Variants in PREP observed in about 807,000 individuals in gnomAD.
PREP encodes the protein prolyl endopeptidase, also known as dJ355L5.1 (prolyl endopeptidase).
Under a neutral mutation model 87.6 loss-of-function variants are expected in PREP, and 29 were observed. The ratio of observed to expected loss-of-function variants is 0.33; its 90% CI spans 0.25 to 0.45. The LOEUF (loss-of-function observed/expected upper bound fraction) is 0.45. Ranked by LOEUF, PREP falls within the 20% of genes least tolerant of loss-of-function variation. PREP has a pLI of 1.00. For missense variants in PREP, 695 were observed against 886.5 expected, an observed-to-expected ratio of 0.78 and a Z score of 2.74; for synonymous variants, 337 against 328.6, an observed-to-expected ratio of 1.03 and a Z score of -0.28.
rs558522574 is a variant in PREP, at chr6:105,389,345, C to G, written c.120+8508G>C. Among the ~76,000 whole-genome samples, 5 of 152,190 alleles carry G rather than the reference C, an allele frequency of 3.3e-5. No homozygotes were observed. In the East Asian group the frequency reaches 9.6e-4, roughly 29 times the overall value. On this transcript the variant is annotated intron_variant, in intron 2 of 14. Coordinates refer to ENST00000652536, the MANE Select transcript of PREP (RefSeq NM_002726.5). The stretch of plus-strand genomic sequence containing the variant: ...TTGCTACGGTCATAGAACAAGAAAA[C>G]AGAAGACCAAAGACTGCAATTTGTA...
At chr6:105,397,774 GA>G in intron 2 of PREP, 78 bp downstream of exon 2, 1 of 1,138,210 alleles carries the variant, frequency 8.8e-7, no homozygotes, top group Non-Finnish European at 1.3e-6. Context: ...CACCAGAAAG[GA>G]AAAGCTATAG....
intron 10 of PREP, among the ~76,000 whole-genome samples, chr6:105,295,781 T>C (rs779927663): frequency 6.6e-6 from 1 of 152,228 alleles, no homozygotes; most frequent in Non-Finnish European, 1.5e-5. Context: ...TCCTCTTCAC[T>C]TAGCAATTTA....
At chr6:105,400,643 TCAGAGTGTGAGTCCC>T (rs1305267139) in intron 1 of PREP, among the ~76,000 whole-genome samples, 1 of 152,182 alleles carries the variant, frequency 6.6e-6, no homozygotes, top group Non-Finnish European at 1.5e-5. Context: ...TCCTCTTCTA[TCAGAGTGTGAGTCCC>T]CTGTGACAGG....
intron 7 of PREP, among the ~76,000 whole-genome samples, chr6:105,339,401 AAG>A (rs1562206316): frequency 6.6e-6 from 1 of 150,752 alleles, no homozygotes; most frequent in East Asian, 2.0e-4. Flanking sequence ...TCAAAGACAA[AAG>A]GTAGATAAAA....
chr6:105,308,620 C>CCTA (rs1770698048), intron 10 of PREP, among the ~76,000 whole-genome samples: 1 of 151,866 alleles, frequency 6.6e-6, no homozygotes, highest in African/African-American at 2.4e-5. Context: ...GACAAATTAC[C>CCTA]CTACCAGAGG....
intron 9 of PREP, among the ~76,000 whole-genome samples, chr6:105,328,347 TC>T (rs1369138821): frequency 1.5e-4 from 23 of 151,784 alleles, no homozygotes; most frequent in African/African-American, 4.4e-4. Flanking sequence ...AACCTCCACC[TC>T]CCGGGTTCAA....
At chr6:105,340,612 T>A (rs1340994285) in intron 7 of PREP, among the ~76,000 whole-genome samples, 1 of 151,820 alleles carries the variant, frequency 6.6e-6, no homozygotes, top group East Asian at 1.9e-4. Context: ...GGATAAAGAG[T>A]CAAGACACAT....
rs1267601746 is a variant in PREP, at chr6:105,277,346, G to A, written c.*798C>T. Among the ~76,000 whole-genome samples, 1 of 152,038 alleles carries A rather than the reference G, an allele frequency of 6.6e-6. No individual in the cohort carries two copies. Among genetic ancestry groups the A allele is most frequent in the African/African-American group, 2.4e-5 (1 of 41,406 alleles). ...GGAACCAAGGATCCTTGGATCCAAGGAACTCTGATTTCTAGGAATACTTTG... is the reference window on the plus strand; with the variant it reads ...GGAACCAAGGATCCTTGGATCCAAGAAACTCTGATTTCTAGGAATACTTTG... On this transcript the variant is annotated 3_prime_UTR_variant, in exon 15 of 15. Transcript: ENST00000652536.
chr6:105,323,192 AATTT>A (rs1771058552), intron 10 of PREP: 3 of 1,116,212 alleles, frequency 2.7e-6, no homozygotes, highest in Middle Eastern at 2.3e-4. Flanking sequence ...ACAATTAATT[AATTT>A]ATTCATTCAA....
chr6:105,304,433 C>T (rs1269088135), intron 10 of PREP, among the ~76,000 whole-genome samples: 2 of 152,210 alleles, frequency 1.3e-5, no homozygotes, highest in Admixed American at 1.3e-4. Flanking sequence ...CCAAGTCATA[C>T]ATCTCGTAAA....
intron 7 of PREP, among the ~76,000 whole-genome samples, chr6:105,347,187 A>G (rs1328515651): frequency 1.3e-5 from 2 of 152,156 alleles, no homozygotes; most frequent in African/African-American, 4.8e-5. Flanking sequence ...AAGAAAGAAA[A>G]CAGAAGAGAG....
chr6:105,353,416 C>T (rs1168332481), intron 6 of PREP, among the ~76,000 whole-genome samples: 1 of 151,930 alleles, frequency 6.6e-6, no homozygotes, highest in African/African-American at 2.4e-5. Context: ...AATATAATAT[C>T]CTTGACTTTA....
At chr6:105,380,812 C>G (rs1016696033) in intron 2 of PREP, among the ~76,000 whole-genome samples, 1 of 152,130 alleles carries the variant, frequency 6.6e-6, no homozygotes, top group Non-Finnish European at 1.5e-5. Flanking sequence ...TTTCCCTGAT[C>G]CTTCTGATTT....
chr6:105,391,290 G>A (rs1397696269), intron 2 of PREP, among the ~76,000 whole-genome samples: 1 of 152,130 alleles, frequency 6.6e-6, no homozygotes, highest in African/African-American at 2.4e-5. Flanking sequence ...GCTGAGGCAC[G>A]AGAATCGCTT....
chr6:105,385,084 T>C (rs890006737), intron 2 of PREP, among the ~76,000 whole-genome samples: 1 of 151,992 alleles, frequency 6.6e-6, no homozygotes, highest in African/African-American at 2.4e-5. Context: ...ATGAGCAGGC[T>C]GGAAAGAGGA....
Position 105,402,884 on chromosome 6 carries a change from G to A in PREP, c.8C>T (p.Ser3Phe). The change falls in exon 1 of 15, where the codon TCC becomes TTC. Residue 3 changes from serine to phenylalanine, a missense_variant. By Grantham distance (155) the Ser-to-Phe change is radical (BLOSUM62 -2). Around this residue, in one of 5 missense-constraint regions of PREP, gnomAD observed 517 missense variants for 620.3 expected, o/e 0.83. Transcript: ENST00000652536. The stretch of plus-strand genomic sequence containing the variant: ...GCGGTACACGTCGGGGTACTGAAGG[G>A]ACAGCATGGCCGGGGACAGGCAGGG... ML[S>F]LQYPDVYRDE... The A allele has an allele frequency of 6.5e-7, 1 of 1,534,546 alleles. No individual in the cohort carries two copies. Among genetic ancestry groups the A allele is most frequent in the African/African-American group, 1.4e-5 (1 of 73,282 alleles).
At position 105,333,464 on chromosome 6, in the gene PREP, C is replaced by T. The variant is rs1771394170; in HGVS notation, c.865G>A (p.Glu289Lys). ...WVKLIDNFEG[E>K]YDYVTNEGTV... Reference sequence around the variant, plus strand: ...CCCTCATTGGTCACGTAGTCATATTCCCCTTCAAAGTTGTCAATCAGTTTT... The same window carrying T: ...CCCTCATTGGTCACGTAGTCATATTTCCCTTCAAAGTTGTCAATCAGTTTT... Residue 289 changes from glutamate (E) to lysine (K), a missense_variant, in exon 8 of 15, where the codon GAA becomes AAA. Physicochemically the swap from Glu to Lys is moderately conservative, Grantham distance 56. This residue lies in a region of PREP where 517 missense variants were observed against 620.3 expected (regional missense o/e 0.83). Transcript: ENST00000652536. 1 of 1,614,046 alleles carries T rather than the reference C, an allele frequency of 6.2e-7. No individual in the cohort carries two copies. The highest frequency in any genetic ancestry group is 1.3e-5 in the African/African-American group (1 of 74,912).
chr6:105,314,550 C>T, intron 10 of PREP, among the ~76,000 whole-genome samples: 1 of 152,176 alleles, frequency 6.6e-6, no homozygotes, highest in East Asian at 1.9e-4. Flanking sequence ...AATTTCTTTG[C>T]TCATTCACAA....
At chr6:105,345,087 C>T (rs1291828532) in intron 7 of PREP, among the ~76,000 whole-genome samples, 1 of 152,220 alleles carries the variant, frequency 6.6e-6, no homozygotes. Context: ...TTTTGCTCTC[C>T]TGAAACCTTG....
Sources: gnomAD v4.1 joint callset for allele counts (sites outside exome capture counted in the v4.1 genomes callset) on GRCh38, gnomAD v4.1.1 for gene constraint, gnomAD v4.1.1 regional missense constraint, MANE v1.5 for transcripts, NCBI Gene and HGNC (gene_info 2026-07-23, HGNC 2026-07-21) for gene names.